MEGF11: variants seen among roughly 807,000 people sequenced by gnomAD.
MEGF11 encodes multiple EGF like domains 11, also known as multiple epidermal growth factor-like domains protein 11.
A neutral mutation model predicts 146.6 loss-of-function variants in MEGF11; 126 were observed. The ratio of observed to expected loss-of-function variants is 0.86; its 90% CI spans 0.74 to 1.00. MEGF11 has a LOEUF of 1.00. MEGF11 is among the 50% of genes least tolerant of loss of function. The probability of loss-of-function intolerance (pLI) is 0.00; values close to 1 mark genes in which losing one functional copy is unlikely to be tolerated. For missense variants in MEGF11, 1,509 were observed against 1,521.2 expected, an observed-to-expected ratio of 0.99 and a Z score of 0.13; for synonymous variants, 532 against 583.4, an observed-to-expected ratio of 0.91 and a Z score of 1.27.
At chr15:66,216,674 A>G (rs11854038) in intron 1 of MEGF11, among the ~76,000 whole-genome samples, 75,977 of 152,090 alleles carry the variant, frequency 0.5, 19,329 homozygotes, top group Middle Eastern at 0.62. Flanking sequence ...AGCAGCTGAC[A>G]GTCAGAAGTA....
chr15:65,970,948 C>G (rs1237861977), intron 7 of MEGF11: 7 of 492,360 alleles, frequency 1.4e-5, no homozygotes, highest in Non-Finnish European at 2.2e-5. Context: ...AGGGGTGATT[C>G]GATTTGATTC....
At chr15:65,960,533 GAGGTTT>G (rs1017621662) in intron 9 of MEGF11, among the ~76,000 whole-genome samples, 2 of 152,232 alleles carry the variant, frequency 1.3e-5, no homozygotes, top group African/African-American at 2.4e-5. Flanking sequence ...AGCTTCCTTT[GAGGTTT>G]AGGGTTAGCG....
At chr15:66,219,962 G>A (rs1166176964) in intron 1 of MEGF11, among the ~76,000 whole-genome samples, 5 of 152,186 alleles carry the variant, frequency 3.3e-5, no homozygotes, top group Non-Finnish European at 5.9e-5. Flanking sequence ...ACCTCAGAAT[G>A]TGACTTTATT....
intron 5 of MEGF11, among the ~76,000 whole-genome samples, chr15:65,985,574 C>A (rs538282266): frequency 6.6e-6 from 1 of 152,164 alleles, no homozygotes; most frequent in Non-Finnish European, 1.5e-5. Context: ...TATCAAACAA[C>A]CTCTGTTCTT....
At chr15:66,253,129 C>T (rs1005857371) in intron 1 of MEGF11, among the ~76,000 whole-genome samples, 15 of 152,238 alleles carry the variant, frequency 9.9e-5, no homozygotes, top group Non-Finnish European at 8.8e-5. Context: ...CCTGCTGCGT[C>T]CCCGCAGGCT....
intron 8 of MEGF11, among the ~76,000 whole-genome samples, chr15:65,968,344 T>C (rs2081186509): frequency 6.6e-6 from 1 of 152,194 alleles, no homozygotes; most frequent in African/African-American, 2.4e-5. Context: ...ATGTCTCAAA[T>C]GTCGGGTGAA....
chr15:66,025,599 A>G (rs931364180), intron 5 of MEGF11, among the ~76,000 whole-genome samples: 3 of 152,114 alleles, frequency 2.0e-5, no homozygotes, highest in African/African-American at 7.2e-5. Context: ...TTCTTAACCT[A>G]TAATATGGGA....
intron 5 of MEGF11, among the ~76,000 whole-genome samples, chr15:66,092,084 C>A (rs1224878730): frequency 6.6e-6 from 1 of 152,152 alleles, no homozygotes; most frequent in African/African-American, 2.4e-5. Flanking sequence ...CATCCATCAC[C>A]CTGCCCTGGA....
chr15:66,177,007 C>T (rs778130379), intron 1 of MEGF11, among the ~76,000 whole-genome samples: 1 of 152,210 alleles, frequency 6.6e-6, no homozygotes, highest in Non-Finnish European at 1.5e-5. Flanking sequence ...CCCCTGGTAA[C>T]TCCCACCTTT....
chr15:66,110,402 G>A (rs1257737570), intron 4 of MEGF11, among the ~76,000 whole-genome samples: 1 of 152,126 alleles, frequency 6.6e-6, no homozygotes, highest in African/African-American at 2.4e-5. Context: ...CTAAGCCCAC[G>A]GACTGGGGAC....
chr15:66,070,655 C>A (rs1382962854), intron 5 of MEGF11, among the ~76,000 whole-genome samples: 1 of 152,248 alleles, frequency 6.6e-6, no homozygotes, highest in Non-Finnish European at 1.5e-5. Context: ...TCATCTTACG[C>A]AGGTATACTC....
chr15:66,210,132 T>C (rs1481939951), intron 1 of MEGF11, among the ~76,000 whole-genome samples: 1 of 152,174 alleles, frequency 6.6e-6, no homozygotes, highest in Non-Finnish European at 1.5e-5. Context: ...GGCCTGGAAA[T>C]GTTCTATATT....
chr15:65,920,569 C>T (rs781401896), intron 15 of MEGF11, among the ~76,000 whole-genome samples: 33 of 152,286 alleles, frequency 2.2e-4, no homozygotes, highest in Non-Finnish European at 3.8e-4. Flanking sequence ...CACAGAACTG[C>T]TAATATGATC....
chr15:66,215,734 T>C (rs1416712791), intron 1 of MEGF11, among the ~76,000 whole-genome samples: 1 of 152,030 alleles, frequency 6.6e-6, no homozygotes, highest in Non-Finnish European at 1.5e-5. Context: ...TCAGTGAATG[T>C]TGGGAGGAGA....
chr15:65,990,626 AAAAAAGAG>A (rs368970881), intron 5 of MEGF11, among the ~76,000 whole-genome samples: 143 of 136,062 alleles, frequency 1.1e-3, no homozygotes, highest in African/African-American at 3.7e-3. Flanking sequence ...AAAGAAAAGA[AAAAAAGAG>A]AAAGGAAAAG....
Position 65,957,548 on chromosome 15 carries a change from A to C in MEGF11, c.1286T>G (p.Met429Arg). 1 of 1,612,798 alleles carries C rather than the reference A, an allele frequency of 6.2e-7. No homozygotes were observed. Among genetic ancestry groups the C allele is most frequent in the Non-Finnish European group, 8.5e-7 (1 of 1,179,486 alleles). The change falls in exon 10 of 26, where the codon ATG (methionine) becomes AGG (arginine). Residue 429 changes from methionine to arginine, a missense_variant and splice_region_variant. Transcript: ENST00000395614. ...TGGCTCAPGF[M>R]GEVCAVSCAA... ...CACGGGAGGCCCCTCCCATCTTACC[A>C]TGAAGCCCGGAGCACAAGTGCAGCC...
intron 1 of MEGF11, among the ~76,000 whole-genome samples, chr15:66,151,802 G>T (rs114289533): frequency 6.6e-6 from 1 of 152,124 alleles, no homozygotes; most frequent in African/African-American, 2.4e-5. Flanking sequence ...AGCTCCGTTC[G>T]CAGCAAGACA....
intron 5 of MEGF11, among the ~76,000 whole-genome samples, chr15:66,023,776 A>G (rs1239969413): frequency 1.3e-5 from 2 of 152,164 alleles, no homozygotes; most frequent in African/African-American, 2.4e-5. Context: ...CTCAGACCAA[A>G]TGTCCTTACC....
At chr15:66,022,114 G>A (rs962058067) in intron 5 of MEGF11, among the ~76,000 whole-genome samples, 1 of 152,204 alleles carries the variant, frequency 6.6e-6, no homozygotes, top group Non-Finnish European at 1.5e-5. Context: ...CCCATGCAGC[G>A]AGAACAGAGG....
Sources: gnomAD v4.1 joint callset for allele counts (sites outside exome capture counted in the v4.1 genomes callset) on GRCh38, gnomAD v4.1.1 for gene constraint, MANE v1.5 for transcripts, NCBI Gene and HGNC (gene_info 2026-07-23, HGNC 2026-07-21) for gene names.